Variants in ACACA observed in about 807,000 individuals in gnomAD.
The protein encoded by ACACA is acetyl-CoA carboxylase 1.
ACACA carries 103 observed loss-of-function variants against 296.1 expected under a neutral mutation model. The observed-to-expected ratio is 0.35, with a 90% CI of 0.30 to 0.41. ACACA has a LOEUF of 0.41. Ranked by LOEUF, ACACA falls within the 10% of genes least tolerant of loss-of-function variation. The probability of loss-of-function intolerance (pLI) is 1.00; values close to 1 mark genes in which losing one functional copy is unlikely to be tolerated. For missense variants in ACACA, 1,554 were observed against 2,989.7 expected (o/e 0.52, Z 11.20); for synonymous variants, 953 against 1,038.6 (o/e 0.92, Z 1.58).
At chr17:37,121,260 G>A in intron 50 of ACACA, 95 bp downstream of exon 50, 1 of 1,559,548 alleles carries the variant, frequency 6.4e-7, no homozygotes, top group Non-Finnish European at 8.8e-7. Flanking sequence ...AGGCTATTAG[G>A]ACACCCACAG....
At chr17:37,237,783 C>A (rs1401004052) in intron 24 of ACACA, among the ~76,000 whole-genome samples, 1 of 151,938 alleles carries the variant, frequency 6.6e-6, no homozygotes, top group African/African-American at 2.4e-5. Flanking sequence ...TTTTTGGAGA[C>A]TGTGTCCTGC....
At chr17:37,329,639 T>C (rs1300799740) in intron 3 of ACACA, among the ~76,000 whole-genome samples, 3 of 92,214 alleles carry the variant, frequency 3.3e-5, no homozygotes, top group African/African-American at 2.1e-4. Context: ...AGACTCTATC[T>C]CAAAAAAAAA....
At chr17:37,337,445 A>T (rs895320439) in intron 2 of ACACA, among the ~76,000 whole-genome samples, 12 of 118,532 alleles carry the variant, frequency 1.0e-4, no homozygotes, top group Non-Finnish European at 1.7e-4. Context: ...AAAGTAAAGA[A>T]AACTATAGAC....
chr17:37,349,535 G>A lies in ACACA; in HGVS notation c.39-9685C>T, dbSNP rs113331050. On this transcript the variant is annotated intron_variant, in intron 1 of 55. Transcript: ENST00000616317. Reference sequence around the variant, plus strand: ...CTTACATATGTGTGTGTGTGTGCGCGCGTGTGTGTGTGTATATATATATAG... The same window carrying A: ...CTTACATATGTGTGTGTGTGTGCGCACGTGTGTGTGTGTATATATATATAG... Among the ~76,000 whole-genome samples the A allele has an allele frequency of 5.0e-3, 728 of 146,702 alleles. 5 individuals carry two copies. Among genetic ancestry groups the A allele is most frequent in the African/African-American group, 0.018 (699 of 39,938 alleles).
chr17:37,136,566 A>G (rs2075341561), intron 45 of ACACA, among the ~76,000 whole-genome samples: 1 of 152,056 alleles, frequency 6.6e-6, no homozygotes, highest in Non-Finnish European at 1.5e-5. Flanking sequence ...TGGCTGTGCC[A>G]TTTTGCATTC....
Position 37,202,668 on chromosome 17 carries a change from C to CAT in ACACA, c.4057-2187_4057-2186dup, listed in dbSNP as rs1179497445. ...AAATTGCTTTTCTTTCCTTTTCTTT[C>CAT]ATATATATATATATATATATATATA... is the stretch of plus-strand genomic sequence containing the variant. On this transcript the variant is annotated intron_variant, in intron 33 of 55. Coordinates refer to ENST00000616317, the MANE Select transcript of ACACA (RefSeq NM_198834.3). Among the ~76,000 whole-genome samples, 690 of 69,724 alleles carry CAT rather than the reference C, an allele frequency of 9.9e-3. 3 individuals are homozygous for CAT. Among genetic ancestry groups the CAT allele is most frequent in the Non-Finnish European group, 0.013 (431 of 33,234 alleles). 45.7% of individuals were successfully genotyped at this position (69,724 alleles called of 152,430 possible). A position where few individuals can be genotyped will look rare whatever the true frequency, so the allele number is the denominator to read the frequency against.
chr17:37,329,801 C>G (rs898693072), intron 3 of ACACA, among the ~76,000 whole-genome samples: 16 of 151,886 alleles, frequency 1.1e-4, no homozygotes, highest in African/African-American at 3.6e-4. Context: ...ATTAGCTGGG[C>G]ATGGTGGCAG....
chr17:37,131,056 T>C (rs2075070113), intron 45 of ACACA, among the ~76,000 whole-genome samples: 1 of 149,678 alleles, frequency 6.7e-6, no homozygotes, highest in African/African-American at 2.4e-5. Flanking sequence ...CATGAACCCC[T>C]GAGTCTCAAG....
chr17:37,127,956 G>A lies in ACACA; in HGVS notation c.5944+1409C>T, dbSNP rs77403798. ...GGGGAAAGAAGGGGTAAGTGGAGGC[G>A]GAGGTTGCAGTGAGCCGAGATCATG... On this transcript the variant is annotated intron_variant, in intron 47 of 55. Coordinates refer to ENST00000616317, the MANE Select transcript of ACACA (RefSeq NM_198834.3). Among the ~76,000 whole-genome samples the A allele has an allele frequency of 9.8e-3, 1,435 of 146,390 alleles. 11 individuals carry two copies. The highest frequency in any genetic ancestry group is 0.016 in the Non-Finnish European group (1,062 of 66,852).
At chr17:37,356,546 T>A (rs894022628) in intron 1 of ACACA, among the ~76,000 whole-genome samples, 1 of 151,908 alleles carries the variant, frequency 6.6e-6, no homozygotes, top group African/African-American at 2.4e-5. Context: ...ACCCAGCTAA[T>A]TTTTTGTATT....
intron 2 of ACACA, among the ~76,000 whole-genome samples, chr17:37,337,169 T>C (rs139920835): frequency 2.0e-5 from 3 of 152,208 alleles, no homozygotes; most frequent in East Asian, 1.9e-4. Flanking sequence ...AAACAGTAAT[T>C]AACAAATTGG....
In ACACA at chr17:37,245,222, G is replaced by A. The variant is rs779195837; in HGVS notation, c.2461-8C>T. ...CATTACCATCTTCATTACCTATAGTGAAAAATAAACTAGACTCAGATTTAT... is the reference window on the plus strand; with the variant it reads ...CATTACCATCTTCATTACCTATAGTAAAAAATAAACTAGACTCAGATTTAT... On this transcript the variant is annotated splice_polypyrimidine_tract_variant and splice_region_variant and intron_variant, in intron 19 of 55. Coordinates refer to ENST00000616317, the MANE Select transcript of ACACA (RefSeq NM_198834.3). 1 of 1,613,352 alleles carries A rather than the reference G, an allele frequency of 6.2e-7. No individual in the cohort carries two copies. The highest frequency in any genetic ancestry group is 1.7e-5 in the Admixed American group (1 of 60,012).
intron 41 of ACACA, among the ~76,000 whole-genome samples, chr17:37,164,934 CTCTTA>C (rs916819886): frequency 6.6e-6 from 1 of 152,156 alleles, no homozygotes; most frequent in African/African-American, 2.4e-5. Context: ...GCAAATAATA[CTCTTA>C]TCTTTCATTA....
intron 17 of ACACA, among the ~76,000 whole-genome samples, 165 bp from the exon 18 acceptor site, chr17:37,248,321 G>A (rs969304327): frequency 2.6e-5 from 4 of 152,234 alleles, no homozygotes; most frequent in African/African-American, 9.6e-5. Flanking sequence ...CAGTCCTGCT[G>A]TAAGCAAAGA....
chr17:37,269,043 AT>A (rs1420320096), intron 10 of ACACA, among the ~76,000 whole-genome samples: 3 of 132,986 alleles, frequency 2.3e-5, no homozygotes, highest in African/African-American at 9.6e-5. Flanking sequence ...AATGAAAAAA[AT>A]GTAAAAAAAA....
chr17:37,135,051 G>A, intron 45 of ACACA, among the ~76,000 whole-genome samples: 1 of 152,168 alleles, frequency 6.6e-6, no homozygotes, highest in East Asian at 1.9e-4. Flanking sequence ...AGAAAAAAAT[G>A]CAATAGCTCA....
chr17:37,355,299 T>C (rs1470915874), intron 1 of ACACA, among the ~76,000 whole-genome samples: 2 of 152,020 alleles, frequency 1.3e-5, no homozygotes, highest in Non-Finnish European at 2.9e-5. Flanking sequence ...GGCTCACACC[T>C]GTAATCCCAG....
chr17:37,207,571 C>T, intron 31 of ACACA, 86 bp downstream of exon 31: 1 of 1,531,796 alleles, frequency 6.5e-7, no homozygotes, highest in Non-Finnish European at 9.0e-7. Flanking sequence ...TTCGGGAGAC[C>T]TTTATTCATT....
intron 50 of ACACA, among the ~76,000 whole-genome samples, chr17:37,118,825 A>G (rs1168964911): frequency 2.0e-5 from 3 of 152,246 alleles, no homozygotes; most frequent in African/African-American, 7.2e-5. Context: ...AATTGTTAGC[A>G]CAAGTTTCTG....
Sources: allele counts gnomAD v4.1 joint callset (sites outside exome capture counted in the v4.1 genomes callset), GRCh38; gene constraint gnomAD v4.1.1; transcripts MANE v1.5; gene names NCBI Gene and HGNC (gene_info 2026-07-23, HGNC 2026-07-21).